CCL17: variants seen among roughly 807,000 people sequenced by gnomAD.
The protein encoded by CCL17 is C-C motif chemokine 17.
Under a neutral mutation model 7.4 loss-of-function variants are expected in CCL17, and 8 were observed. The ratio of observed to expected loss-of-function variants is 1.09; its 90% CI spans 0.64 to 1.96. The LOEUF is 1.96. CCL17 is among the 30% of genes most tolerant of loss of function. CCL17 has a pLI of 0.00. For synonymous variants in CCL17, 40 were observed against 46.1 expected, an observed-to-expected ratio of 0.87 and a Z score of 0.54; for missense variants, 102 against 113.0, an observed-to-expected ratio of 0.90 and a Z score of 0.44.
upstream of CCL17, among the ~76,000 whole-genome samples, chr16:57,403,627 AT>A (rs1269392085): frequency 1.3e-5 from 1 of 75,290 alleles, no homozygotes; most frequent in Non-Finnish European, 2.4e-5. Flanking sequence ...TATAATATAT[AT>A]TATATATATT....
At chr16:57,410,958 T>G (rs1465682387) in intron 1 of CCL17, among the ~76,000 whole-genome samples, 3 of 152,188 alleles carry the variant, frequency 2.0e-5, no homozygotes, top group African/African-American at 7.2e-5. Context: ...CTCTTAGCCT[T>G]GCATTTAGGC....
chr16:57,406,546 C>T (rs1369236098), intron 1 of CCL17, among the ~76,000 whole-genome samples: 2 of 152,076 alleles, frequency 1.3e-5, no homozygotes, highest in Non-Finnish European at 2.9e-5. Flanking sequence ...TGCCCCAACA[C>T]CCACCCCAGC....
chr16:57,405,156 G>A (rs1321056582), intron 1 of CCL17, among the ~76,000 whole-genome samples: 11 of 152,186 alleles, frequency 7.2e-5, no homozygotes, highest in Admixed American at 2.6e-4. Flanking sequence ...AGCCATTGAC[G>A]GTTTTGGAGG....
rs559238820 is a variant in CCL17, at chr16:57,415,415, A to C, written c.188+217A>C. Among the ~76,000 whole-genome samples the C allele has an allele frequency of 6.4e-4, 97 of 152,358 alleles. No homozygotes were observed. The highest frequency in any genetic ancestry group is 2.2e-3 in the African/African-American group (92 of 41,590). ...GTGGTGAAATTGAGGCCCCGGGAGCAATGAACACCCCCAGGTCACACAGCT... is the reference window on the plus strand; with the variant it reads ...GTGGTGAAATTGAGGCCCCGGGAGCCATGAACACCCCCAGGTCACACAGCT... On this transcript the variant is annotated intron_variant, in intron 3 of 3. Coordinates refer to ENST00000219244, the MANE Select transcript of CCL17 (RefSeq NM_002987.3). This position sits in a 1 kb window ranked among gnomAD's most constrained non-coding sequence, Gnocchi z 4.5.
Position 57,415,724 on chromosome 16 carries a change from T to C in CCL17, c.189-41T>C, listed in dbSNP as rs969969830. 7 of 1,339,660 alleles carry C rather than the reference T, an allele frequency of 5.2e-6. No individual in the cohort carries two copies. Among genetic ancestry groups the C allele is most frequent in the Non-Finnish European group, 7.5e-6 (7 of 930,784 alleles). 83.0% of individuals were successfully genotyped at this position (1,339,660 alleles called of 1,614,324 possible). A position where few individuals can be genotyped will look rare whatever the true frequency, so the allele number is the denominator to read the frequency against. On this transcript the variant is annotated intron_variant, in intron 3 of 3. Transcript: ENST00000219244. The surrounding 1 kb of genome is among the most constrained non-coding windows in gnomAD (Gnocchi z 4.5). ...CCGTCCCAGGGACTCTGGGGGCCCT[T>C]CCCCCCCTGCCACTCCTGGTAACGT...
At chr16:57,412,648 A>G (rs1296834207) in intron 1 of CCL17, among the ~76,000 whole-genome samples, 1 of 152,166 alleles carries the variant, frequency 6.6e-6, no homozygotes, top group African/African-American at 2.4e-5. Context: ...GGCCCTGGTC[A>G]TGCAAGGACA....
intron 1 of CCL17, among the ~76,000 whole-genome samples, chr16:57,412,845 G>A (rs1293739574): frequency 6.6e-6 from 1 of 152,222 alleles, no homozygotes; most frequent in Non-Finnish European, 1.5e-5. Context: ...GTGGCCAGGG[G>A]ACTGACCCGC....
chr16:57,402,750 A>G (rs1330123897), upstream of CCL17, among the ~76,000 whole-genome samples: 1 of 152,184 alleles, frequency 6.6e-6, no homozygotes, highest in Non-Finnish European at 1.5e-5. Context: ...GTCCATTGGT[A>G]AGAGTGAGAG....
chr16:57,404,060 G>A (rs916346215), upstream of CCL17, among the ~76,000 whole-genome samples: 3 of 152,170 alleles, frequency 2.0e-5, no homozygotes, highest in Non-Finnish European at 2.9e-5. Context: ...GAAGGAGCAT[G>A]TCTGTCTGGT....
intron 1 of CCL17, 78 bp from the exon 2 acceptor site, chr16:57,413,796 T>C (rs1902822260): frequency 2.1e-5 from 13 of 609,804 alleles, no homozygotes; most frequent in Non-Finnish European, 3.8e-5. Context: ...TAGGGAAGGA[T>C]GTGAGGAGGT....
At chr16:57,412,956 G>A (rs1442524342) in intron 1 of CCL17, among the ~76,000 whole-genome samples, 1 of 152,104 alleles carries the variant, frequency 6.6e-6, no homozygotes, top group East Asian at 1.9e-4. Context: ...TTTTATTCCT[G>A]CCCCCACTGG....
upstream of CCL17, among the ~76,000 whole-genome samples, chr16:57,399,955 T>G (rs1284770433): frequency 6.6e-6 from 1 of 152,120 alleles, no homozygotes; most frequent in Non-Finnish European, 1.5e-5. Flanking sequence ...CAAGGAAGAC[T>G]TTAATCGAGT....
At chr16:57,397,419 C>T in the CCL17 span, among the ~76,000 whole-genome samples, 1 of 152,226 alleles carries the variant, frequency 6.6e-6, no homozygotes, top group African/African-American at 2.4e-5. Flanking sequence ...CTGTTTCAGT[C>T]AGGGAATACT....
upstream of CCL17, among the ~76,000 whole-genome samples, chr16:57,403,537 TATAAA>T (rs1902641923): frequency 2.1e-4 from 7 of 32,796 alleles, 1 homozygote; most frequent in African/African-American, 1.6e-3. Context: ...TTATATATAT[TATAAA>T]TATATATTTT....
upstream of CCL17, among the ~76,000 whole-genome samples, chr16:57,400,371 A>T (rs1265742250): frequency 6.6e-6 from 1 of 152,122 alleles, no homozygotes; most frequent in African/African-American, 2.4e-5. Context: ...AAAAAAAATT[A>T]TAAAATATAA....
rs765518571 is a variant in CCL17, at chr16:57,415,844, A to C, written c.268A>C (p.Ser90Arg). 6.2e-7 allele frequency: 1 copy of C among 1,607,522 alleles called. No individual in the cohort carries two copies. The highest frequency in any genetic ancestry group is 8.5e-7 in the Non-Finnish European group (1 of 1,173,980). The change falls in exon 4 of 4, where the codon AGC becomes CGC. Residue 90 changes from serine to arginine, a missense_variant. Ser to Arg is a moderately radical substitution (Grantham distance 110). Transcript: ENST00000219244. The surrounding 1 kb of genome is among the most constrained non-coding windows in gnomAD (Gnocchi z 4.5). The stretch of plus-strand genomic sequence containing the variant: ...GAAGAATGCAGTTAAATACCTGCAA[A>C]GCCTTGAGAGGTCTTGAAGCCTCCT... ...RVKNAVKYLQ[S>R]LERS
intron 1 of CCL17, among the ~76,000 whole-genome samples, chr16:57,405,399 G>T (rs1481870118): frequency 1.3e-5 from 2 of 152,220 alleles, no homozygotes; most frequent in Non-Finnish European, 2.9e-5. Context: ...GATGTAATGT[G>T]GGGGATGGAG....
At chr16:57,410,089 C>T (rs1335392237) in intron 1 of CCL17, among the ~76,000 whole-genome samples, 3 of 152,178 alleles carry the variant, frequency 2.0e-5, no homozygotes, top group African/African-American at 7.2e-5. Context: ...TCAAATGCAA[C>T]TGAAGATGAT....
chr16:57,401,881 G>A (rs1411683114), upstream of CCL17, among the ~76,000 whole-genome samples: 1 of 152,024 alleles, frequency 6.6e-6, no homozygotes, highest in African/African-American at 2.4e-5. Context: ...CCCTTGCTGG[G>A]TTTCCACTCC....
Sources: gnomAD v4.1 joint callset for allele counts (sites outside exome capture counted in the v4.1 genomes callset) on GRCh38, gnomAD v4.1.1 for gene constraint, Gnocchi (gnomAD v3.1) non-coding constraint, MANE v1.5 for transcripts, NCBI Gene and HGNC (gene_info 2026-07-23, HGNC 2026-07-21) for gene names.